TJP1: variants seen among roughly 807,000 people sequenced by gnomAD.
TJP1 encodes tight junction protein ZO-1.
A neutral mutation model predicts 194.2 loss-of-function variants in TJP1; 43 were observed. That is an observed-to-expected ratio of 0.22 (90% CI 0.17 to 0.29). TJP1 has a LOEUF of 0.29. Ranked by LOEUF, TJP1 falls within the 10% of genes least tolerant of loss-of-function variation. TJP1 has a pLI of 1.00. For missense variants in TJP1, 1,971 were observed against 2,185.7 expected (o/e 0.90, Z 1.96); for synonymous variants, 801 against 779.0 (o/e 1.03, Z -0.47).
At chr15:29,890,203 G>A (rs1239301931) in intron 2 of TJP1, among the ~76,000 whole-genome samples, 1 of 151,740 alleles carries the variant, frequency 6.6e-6, no homozygotes, top group South Asian at 2.1e-4. Flanking sequence ...GGGACGGGGT[G>A]GGATCCCGCT....
At chr15:29,955,575 A>AC (rs1222493331) in intron 2 of TJP1, among the ~76,000 whole-genome samples, 2 of 151,632 alleles carry the variant, frequency 1.3e-5, no homozygotes, top group Admixed American at 1.3e-4. Context: ...ACATAGTGAG[A>AC]CCCCATATCT....
At chr15:29,821,399 G>A (rs931984486) in intron 1 of TJP1, 19 of 152,210 alleles carry the variant, frequency 1.2e-4, no homozygotes, top group Admixed American at 5.2e-4. Flanking sequence ...TGTTAAAGAG[G>A]TTATTTTCAA....
Position 29,864,237 on chromosome 15 carries a change from C to CAAAAAAAAAAAAAAAAAAA in TJP1, c.307-63554_307-63536dup, listed in dbSNP as rs397975539. On this transcript the variant is annotated intron_variant, in intron 2 of 28. Coordinates refer to the TJP1 transcript ENST00000356107. ...TGAAACCCCGTCTCTACTAAAAATA[C>CAAAAAAAAAAAAAAAAAAA]AAAAAAAAAAAAAAAAAAAAAAAAA... is the stretch of plus-strand genomic sequence containing the variant. 4.2e-4 allele frequency among the ~76,000 whole-genome samples: 8 copies of CAAAAAAAAAAAAAAAAAAA among 18,944 alleles called. 1 individual carries two copies. Among genetic ancestry groups the CAAAAAAAAAAAAAAAAAAA allele is most frequent in the African/African-American group, 7.5e-4 (5 of 6,664 alleles). 12.4% of individuals were successfully genotyped at this position (18,944 alleles called of 152,430 possible).
At chr15:29,938,998 T>C (rs1319997371) in intron 2 of TJP1, among the ~76,000 whole-genome samples, 3 of 152,200 alleles carry the variant, frequency 2.0e-5, no homozygotes, top group Non-Finnish European at 4.4e-5. Flanking sequence ...CACTTCTGGC[T>C]GTTGGAAGAT....
intron 23 of TJP1, among the ~76,000 whole-genome samples, chr15:29,712,283 T>C (rs2042289090): frequency 6.6e-6 from 1 of 152,184 alleles, no homozygotes; most frequent in African/African-American, 2.4e-5. Flanking sequence ...GACATTAAAA[T>C]CTGAAAGTGC....
At chr15:29,903,483 C>T (rs564576544) in intron 2 of TJP1, among the ~76,000 whole-genome samples, 57 of 151,752 alleles carry the variant, frequency 3.8e-4, no homozygotes, top group Admixed American at 2.4e-3. Flanking sequence ...CTCGCTCTGT[C>T]GCCCAGGCTG....
intron 2 of TJP1, among the ~76,000 whole-genome samples, chr15:29,905,775 G>A (rs2053787718): frequency 1.3e-5 from 2 of 152,286 alleles, no homozygotes; most frequent in South Asian, 4.1e-4. Context: ...GAAAAGGCTG[G>A]ATATTGTATG....
At position 29,770,581 on chromosome 15, in the gene TJP1, G is replaced by A. The variant is rs948938534; in HGVS notation, c.312+1483C>T. On this transcript the variant is annotated intron_variant, in intron 4 of 27. Coordinates refer to ENST00000614355, the MANE Select transcript of TJP1 (RefSeq NM_001330239.4). ...ATACAAAAAAATTAGCTCTGGTGGCGGGTGCCTGTAGTCCCAGCTACTCGG... is the reference window on the plus strand; with the variant it reads ...ATACAAAAAAATTAGCTCTGGTGGCAGGTGCCTGTAGTCCCAGCTACTCGG... Among the ~76,000 whole-genome samples the A allele has an allele frequency of 1.1e-4, 17 of 151,692 alleles. No homozygotes were observed. In the East Asian group the frequency reaches 1.4e-3, roughly 12 times the overall value.
chr15:29,786,780 G>A (rs1034403247), intron 2 of TJP1, among the ~76,000 whole-genome samples: 1 of 152,178 alleles, frequency 6.6e-6, no homozygotes, highest in African/African-American at 2.4e-5. Flanking sequence ...GGAATTACAG[G>A]TGTGAGCCAC....
At chr15:29,908,143 A>G (rs12440268) in intron 2 of TJP1, among the ~76,000 whole-genome samples, 12,925 of 149,900 alleles carry the variant, frequency 0.086, 653 homozygotes, top group Admixed American at 0.13. Flanking sequence ...GTCCAACATG[A>G]GAAGAAGAAA....
intron 2 of TJP1, among the ~76,000 whole-genome samples, chr15:29,948,004 C>A (rs970045248): frequency 1.2e-4 from 19 of 152,214 alleles, no homozygotes; most frequent in Non-Finnish European, 2.8e-4. Context: ...CGGTGGCTCA[C>A]ACCTGTAATC....
At chr15:29,737,111 A>G (rs11634148) in intron 11 of TJP1, among the ~76,000 whole-genome samples, 153 bp downstream of exon 11, 2,413 of 152,350 alleles carry the variant, frequency 0.016, 33 homozygotes, top group Non-Finnish European at 0.023. Flanking sequence ...AGCATAAGGT[A>G]GACCTGATGG....
At chr15:29,934,979 A>C (rs2054836534) in intron 2 of TJP1, among the ~76,000 whole-genome samples, 1 of 152,230 alleles carries the variant, frequency 6.6e-6, no homozygotes, top group Non-Finnish European at 1.5e-5. Context: ...GGTAATAACA[A>C]AGCAAGGCCA....
chr15:29,884,913 T>C (rs1184358348), intron 2 of TJP1, among the ~76,000 whole-genome samples: 1 of 152,202 alleles, frequency 6.6e-6, no homozygotes, highest in African/African-American at 2.4e-5. Context: ...ATGGCTGAGC[T>C]AGCAACAGAT....
chr15:29,951,764 T>C (rs748884202), intron 2 of TJP1, among the ~76,000 whole-genome samples: 8 of 152,222 alleles, frequency 5.3e-5, no homozygotes, highest in Non-Finnish European at 8.8e-5. Flanking sequence ...AATTGGATCA[T>C]TGTTTCTATT....
At chr15:29,870,300 G>A (rs375104397) in intron 2 of TJP1, among the ~76,000 whole-genome samples, 2 of 151,988 alleles carry the variant, frequency 1.3e-5, no homozygotes, top group East Asian at 1.9e-4. Context: ...ATAGGTAAAT[G>A]GTTAAGAAAA....
At chr15:29,740,414 C>T (rs1391258107) in intron 10 of TJP1, among the ~76,000 whole-genome samples, 1 of 151,972 alleles carries the variant, frequency 6.6e-6, no homozygotes, top group African/African-American at 2.4e-5. Context: ...CTGCTTGAGC[C>T]CAGGACTTTT....
At position 29,749,606 on chromosome 15, in the gene TJP1, A is replaced by T. The variant is rs117744691; in HGVS notation, c.1011-6825T>A. ...AGCAGCCTGCTCCAGAGACTCTCTC[A>T]AACGGTTCTGTTGTGTGAAGTCTCC... On this transcript the variant is annotated intron_variant, in intron 8 of 27. Transcript: ENST00000614355. Among the ~76,000 whole-genome samples, 161 of 152,280 alleles carry T rather than the reference A, an allele frequency of 1.1e-3. 1 individual carries two copies. The East Asian group carries it at 0.027, about 26-fold the overall frequency.
chr15:29,844,755 G>C (rs1013044310), intron 2 of TJP1, among the ~76,000 whole-genome samples: 1 of 152,190 alleles, frequency 6.6e-6, no homozygotes, highest in Non-Finnish European at 1.5e-5. Flanking sequence ...GAAATGTTGA[G>C]TAGGCAATTG....
Sources: gnomAD v4.1 joint callset for allele counts (sites outside exome capture counted in the v4.1 genomes callset) on GRCh38, gnomAD v4.1.1 for gene constraint, MANE v1.5 for transcripts, NCBI Gene and HGNC (gene_info 2026-07-23, HGNC 2026-07-21) for gene names.